The following ZFP36L1 variants were observed in gnomAD, a reference collection of about 807,000 sequenced individuals.
ZFP36L1 encodes mRNA decay activator protein ZFP36L1.
Under a neutral mutation model 16.7 loss-of-function variants are expected in ZFP36L1, and 4 were observed. The ratio of observed to expected loss-of-function variants is 0.24; its 90% CI spans 0.12 to 0.55. The LOEUF is 0.55. Ranked by LOEUF, ZFP36L1 falls within the 20% of genes least tolerant of loss-of-function variation. The pLI is 0.94. For synonymous variants in ZFP36L1, 220 were observed against 190.8 expected, an observed-to-expected ratio of 1.15 and a Z score of -1.26; for missense variants, 311 against 449.2, an observed-to-expected ratio of 0.69 and a Z score of 2.78.
intron 1 of ZFP36L1, 112 bp downstream of exon 1, chr14:68,792,770 A>G: frequency 1.4e-6 from 2 of 1,436,226 alleles, no homozygotes; most frequent in Non-Finnish European, 1.9e-6. Flanking sequence ...GAAAAGAATC[A>G]TCTCGCTGCA....
At chr14:68,791,912 A>G (rs1329362442) in intron 1 of ZFP36L1, among the ~76,000 whole-genome samples, 1 of 152,204 alleles carries the variant, frequency 6.6e-6, no homozygotes, top group Non-Finnish European at 1.5e-5. Context: ...ACAGAGCAAC[A>G]TGACCCGACG....
chr14:68,791,270 G>A, intron 1 of ZFP36L1: 1 of 550,286 alleles, frequency 1.8e-6, no homozygotes, highest in Non-Finnish European at 3.2e-6. Context: ...GAGCAAGCTT[G>A]GATAAGAGCT....
intron 1 of ZFP36L1, chr14:68,791,070 G>T: frequency 1.4e-6 from 1 of 701,946 alleles, no homozygotes; most frequent in Non-Finnish European, 2.6e-6. Context: ...TTTCTTGTGG[G>T]GAGGAGATTG....
chr14:68,791,172 T>C, intron 1 of ZFP36L1: 1 of 666,066 alleles, frequency 1.5e-6, no homozygotes, highest in Non-Finnish European at 2.7e-6. Flanking sequence ...TTTTCTACAA[T>C]AATCTCTCTC....
chr14:68,790,299 C>T lies in ZFP36L1; in HGVS notation c.251G>A (p.Ser84Asn), dbSNP rs758938948. Residue 84 changes from serine to asparagine, a missense_variant, in exon 2 of 2, where the codon AGC becomes AAC. Coordinates refer to ENST00000439696, the MANE Select transcript of ZFP36L1 (RefSeq NM_004926.4). ...CGAGAAGGAGCGGTCTCGGAAGCGG[C>T]TGTCTCGCGAGCTCAGAGCGGGGGC... Reference protein sequence around the residue: ...EPAPALSSRDSRFRDRSFSEG... With the variant: ...EPAPALSSRDNRFRDRSFSEG... 5.0e-6 allele frequency: 8 copies of T among 1,609,714 alleles called. No individual in the cohort carries two copies. In the East Asian group the frequency reaches 1.1e-4, roughly 22 times the overall value.
chr14:68,790,581 C>G lies in ZFP36L1; in HGVS notation c.58-89G>C, dbSNP rs1461946141. 4.6e-6 allele frequency: 7 copies of G among 1,525,812 alleles called. No homozygotes were observed. The African/African-American group carries it at 6.8e-5, about 15-fold the overall frequency. The allele number at this position is 1,525,812 out of a possible 1,614,324, so 94.5% of individuals were successfully genotyped here. ...AGCCCCCTACACAATCACAAACGCC[C>G]GCTCTTTCTCAAAGAACTCATCTCT... is the stretch of plus-strand genomic sequence containing the variant. On this transcript the variant is annotated intron_variant, in intron 1 of 1. Coordinates refer to ENST00000439696, the MANE Select transcript of ZFP36L1 (RefSeq NM_004926.4).
upstream of ZFP36L1, chr14:68,793,112 G>T: frequency 2.0e-6 from 3 of 1,494,904 alleles, no homozygotes; most frequent in Non-Finnish European, 2.7e-6. Flanking sequence ...CAGATTTGGT[G>T]GGCCGGGGGG....
chr14:68,794,318 G>A (rs967400161), upstream of ZFP36L1: 5 of 152,252 alleles, frequency 3.3e-5, 1 homozygote, highest in Admixed American at 2.6e-4. Context: ...CCGTTTTGGC[G>A]GGAGGTGGAG....
intron 1 of ZFP36L1, 22 bp downstream of exon 1, chr14:68,792,860 C>T (rs764408913): frequency 1.2e-6 from 2 of 1,613,958 alleles, no homozygotes; most frequent in East Asian, 2.2e-5. Context: ...TTTTGAAAAG[C>T]AAATGCTCCG....
upstream of ZFP36L1, chr14:68,795,942 G>A (rs751708431): frequency 2.5e-6 from 3 of 1,216,914 alleles, no homozygotes; most frequent in Non-Finnish European, 3.4e-6. Context: ...GGTGCCCAGG[G>A]GTGGCGGGAG....
chr14:68,789,851 G>A lies in ZFP36L1; in HGVS notation c.699C>T (p.Ser233=), dbSNP rs750342662. The A allele has an allele frequency of 2.5e-6, 4 of 1,610,934 alleles. No individual in the cohort carries two copies. Among genetic ancestry groups the A allele is most frequent in the Non-Finnish European group, 3.4e-6 (4 of 1,179,996 alleles). ...PTSITPPPIL[S]ADDLLGSPTL... ...TAGGTGAGCCCAGGAGGTCATCGGCGCTCAGAATAGGGGGTGGGGTGATGG... is the reference window on the plus strand; with the variant it reads ...TAGGTGAGCCCAGGAGGTCATCGGCACTCAGAATAGGGGGTGGGGTGATGG... Residue 233 remains serine (S), a synonymous_variant, in exon 2 of 2, where the codon AGC becomes AGT. Transcript: ENST00000439696. This position sits in a 1 kb window ranked among gnomAD's most constrained non-coding sequence, Gnocchi z 4.5.
At chr14:68,792,840 G>C (rs770797422) in intron 1 of ZFP36L1, 42 bp downstream of exon 1, 4 of 1,613,294 alleles carry the variant, frequency 2.5e-6, no homozygotes, top group African/African-American at 2.7e-5. Context: ...TAAGGCAAAA[G>C]AAAAAGACTT....
intron 1 of ZFP36L1, among the ~76,000 whole-genome samples, chr14:68,792,298 G>A (rs951242282): frequency 6.6e-6 from 1 of 151,844 alleles, no homozygotes; most frequent in African/African-American, 2.4e-5. Flanking sequence ...CGGCTATCGC[G>A]GGAAGAAGCC....
In ZFP36L1 at chr14:68,790,310, G is replaced by A; in HGVS notation, c.240C>T (p.Ser80=). The A allele has an allele frequency of 3.1e-6, 5 of 1,609,946 alleles. No homozygotes were observed. The highest frequency in any genetic ancestry group is 4.2e-6 in the Non-Finnish European group (5 of 1,178,984). ...SLKGEPAPAL[S]SRDSRFRDRS... ...GGTCTCGGAAGCGGCTGTCTCGCGA[G>A]CTCAGAGCGGGGGCTGGCTCACCCT... is the stretch of plus-strand genomic sequence containing the variant. Residue 80 remains serine, a synonymous_variant, in exon 2 of 2, where the codon AGC becomes AGT. Coordinates refer to ENST00000439696, the MANE Select transcript of ZFP36L1 (RefSeq NM_004926.4).
At chr14:68,796,214 G>C (rs763397739), upstream of ZFP36L1, 9 of 1,366,662 alleles carry the variant, frequency 6.6e-6, no homozygotes, top group Non-Finnish European at 8.8e-6. Flanking sequence ...AGGTGGTGGT[G>C]GGGTGGGATG....
At chr14:68,796,097 G>A, upstream of ZFP36L1, 1 of 1,361,844 alleles carries the variant, frequency 7.3e-7, no homozygotes, top group Non-Finnish European at 9.8e-7. Context: ...TTCCGACCGG[G>A]AGGCGGTGGG....
In ZFP36L1 at chr14:68,789,330, C is replaced by T. The variant is rs1181895775; in HGVS notation, c.*203G>A. 10 of 677,968 alleles carry T rather than the reference C, an allele frequency of 1.5e-5. No homozygotes were observed. The African/African-American group carries it at 1.8e-4, about 12-fold the overall frequency. The allele number at this position is 677,968 out of a possible 1,614,324, so 42.0% of individuals were successfully genotyped here. On this transcript the variant is annotated 3_prime_UTR_variant, in exon 2 of 2. Transcript: ENST00000439696. This position sits in a 1 kb window ranked among gnomAD's most constrained non-coding sequence, Gnocchi z 4.5. ...GGGGGTTTCAAGCCAGAAGAAGCTA[C>T]TGACAAATTGACTTGTCCTTATGTT...
At chr14:68,792,563 G>C (rs750871759) in intron 1 of ZFP36L1, among the ~76,000 whole-genome samples, 1 of 152,216 alleles carries the variant, frequency 6.6e-6, no homozygotes, top group South Asian at 2.1e-4. Context: ...AGCACGTTAC[G>C]TAAAACAGGA....
upstream of ZFP36L1, chr14:68,796,132 C>T (rs1410684910): frequency 7.3e-7 from 1 of 1,366,032 alleles, no homozygotes; most frequent in South Asian, 1.1e-5. Flanking sequence ...CCAGGCCCGA[C>T]TTCCGGGCCC....
Sources: allele counts gnomAD v4.1 joint callset (sites outside exome capture counted in the v4.1 genomes callset), GRCh38; gene constraint gnomAD v4.1.1; non-coding constraint Gnocchi (gnomAD v3.1); transcripts MANE v1.5; gene names NCBI Gene and HGNC (gene_info 2026-07-23, HGNC 2026-07-21).